NTNG1: variants seen among roughly 807,000 people sequenced by gnomAD.
The protein encoded by NTNG1 is netrin-G1.
NTNG1 carries 16 observed loss-of-function variants against 54.0 expected under a neutral mutation model. The ratio of observed to expected loss-of-function variants is 0.30; its 90% CI spans 0.20 to 0.45. The LOEUF is 0.45. Among genes scored for constraint, NTNG1 ranks in the 20% least tolerant of loss-of-function variants. NTNG1 has a pLI of 1.00. For missense variants in NTNG1, 530 were observed against 678.7 expected, an observed-to-expected ratio of 0.78 and a Z score of 2.43; for synonymous variants, 255 against 263.1, an observed-to-expected ratio of 0.97 and a Z score of 0.30.
chr1:107,443,010 G>A (rs17019069), intron 7 of NTNG1, among the ~76,000 whole-genome samples: 26,056 of 152,064 alleles, frequency 0.17, 2,281 homozygotes, highest in Middle Eastern at 0.24. Context: ...CTCTGGAGAA[G>A]TTCCAATAGA....
In NTNG1 at chr1:107,481,056, C is replaced by CT; in HGVS notation, c.*217dup. On this transcript the variant is annotated 3_prime_UTR_variant, in exon 8 of 8. Transcript: ENST00000370068. ...TTTCTGACTCCAGAGGAGTTGGCAG[C>CT]TGTTGATATTATCACTGCAAATCAC... The CT allele has an allele frequency of 9.6e-6, 5 of 519,484 alleles. No individual in the cohort carries two copies. The highest frequency in any genetic ancestry group is 1.7e-5 in the Non-Finnish European group (5 of 290,522). 32.2% of individuals were successfully genotyped at this position (519,484 alleles called of 1,614,324 possible).
At chr1:107,149,096 CTATAGCAT>C in intron 2 of NTNG1, among the ~76,000 whole-genome samples, 1 of 152,048 alleles carries the variant, frequency 6.6e-6, no homozygotes, top group Non-Finnish European at 1.5e-5. Context: ...GGCAGGTACA[CTATAGCAT>C]ATATTATAAA....
intron 5 of NTNG1, chr1:107,409,691 T>C (rs538720446): frequency 6.6e-6 from 1 of 152,284 alleles, no homozygotes; most frequent in Admixed American, 6.5e-5. Context: ...CTCCCTTCAA[T>C]ATGCCTCTGG....
chr1:107,332,767 A>G (rs115115138), intron 3 of NTNG1, among the ~76,000 whole-genome samples: 2 of 152,130 alleles, frequency 1.3e-5, no homozygotes, highest in African/African-American at 4.8e-5. Context: ...TTCTGTTGCA[A>G]TATGGGTCTA....
intron 5 of NTNG1, among the ~76,000 whole-genome samples, chr1:107,414,292 C>T (rs1379842582): frequency 6.6e-6 from 1 of 152,064 alleles, no homozygotes; most frequent in Non-Finnish European, 1.5e-5. Flanking sequence ...TTTTCTCATT[C>T]ATGAAAATTG....
chr1:107,207,499 T>G (rs1165083415), intron 2 of NTNG1, among the ~76,000 whole-genome samples: 1 of 152,208 alleles, frequency 6.6e-6, no homozygotes, highest in Non-Finnish European at 1.5e-5. Context: ...ATTTGCTTTT[T>G]TAAAGGTATC....
chr1:107,324,563 G>A lies in NTNG1; in HGVS notation c.528G>A (p.Gln176=). 1 of 1,613,748 alleles carries A rather than the reference G, an allele frequency of 6.2e-7. No homozygotes were observed. Among genetic ancestry groups the A allele is most frequent in the Non-Finnish European group, 8.5e-7 (1 of 1,179,866 alleles). The part of the protein sequence containing the change: ...LDYGRTWQPY[Q]YYATDCLDAF... ...ATGGACGAACATGGCAGCCCTATCAGTATTATGCCACAGACTGCTTAGATG... is the reference window on the plus strand; with the variant it reads ...ATGGACGAACATGGCAGCCCTATCAATATTATGCCACAGACTGCTTAGATG... The change falls in exon 3 of 8, where the codon CAG becomes CAA. Residue 176 remains glutamine, a synonymous_variant. Coordinates refer to ENST00000370068, the MANE Select transcript of NTNG1 (RefSeq NM_001113226.3).
At chr1:107,330,478 T>C (rs556932828) in intron 3 of NTNG1, among the ~76,000 whole-genome samples, 8 of 152,282 alleles carry the variant, frequency 5.3e-5, no homozygotes, top group African/African-American at 1.9e-4. Flanking sequence ...GGAGCCATCA[T>C]ATGGCAGTGG....
chr1:107,339,150 C>T (rs1668761776), intron 3 of NTNG1, among the ~76,000 whole-genome samples: 2 of 151,944 alleles, frequency 1.3e-5, no homozygotes, highest in Admixed American at 1.3e-4. Flanking sequence ...AGCACATAAC[C>T]CTTCCTGGTT....
At chr1:107,206,215 C>T (rs948680938) in intron 2 of NTNG1, among the ~76,000 whole-genome samples, 2 of 152,042 alleles carry the variant, frequency 1.3e-5, no homozygotes, top group African/African-American at 4.8e-5. Context: ...TGTCCCTGTC[C>T]TCCTTCACTC....
At chr1:107,461,563 G>A (rs148523506) in intron 7 of NTNG1, among the ~76,000 whole-genome samples, 7,479 of 149,518 alleles carry the variant, frequency 0.05, 218 homozygotes, top group Middle Eastern at 0.092. Flanking sequence ...CTTTTGAGAC[G>A]GAGTCTTGCT....
At chr1:107,480,569 T>TCCCCCCCCCCCCC in intron 7 of NTNG1, 42 bp from the exon 8 acceptor site, 4 of 609,590 alleles carry the variant, frequency 6.6e-6, no homozygotes, top group Non-Finnish European at 9.3e-6. Flanking sequence ...CTGCTTCTCC[T>TCCCCCCCCCCCCC]CCCCGCGCCC....
chr1:107,272,921 T>C (rs1236643058), intron 2 of NTNG1, among the ~76,000 whole-genome samples: 2 of 152,346 alleles, frequency 1.3e-5, no homozygotes, highest in Middle Eastern at 6.8e-3. Flanking sequence ...AAATTGTCCA[T>C]AATACAAACT....
At chr1:107,249,166 A>AATG (rs1270938443) in intron 2 of NTNG1, among the ~76,000 whole-genome samples, 25 of 149,524 alleles carry the variant, frequency 1.7e-4, no homozygotes, top group Admixed American at 4.0e-4. Flanking sequence ...TCTCAATAAT[A>AATG]ATAATAATAA....
At position 107,373,899 on chromosome 1, in the gene NTNG1, G is replaced by A. The variant is rs1022251829; in HGVS notation, c.888-21255G>A. ...TTATTTTTTGTAAAGACAGGGTCTT[G>A]CTTTTTTGCTCAGGCAGGTCTCAAA... On this transcript the variant is annotated intron_variant, in intron 3 of 7. Coordinates refer to ENST00000370068, the MANE Select transcript of NTNG1 (RefSeq NM_001113226.3). 9.2e-5 allele frequency among the ~76,000 whole-genome samples: 14 copies of A among 152,012 alleles called. 1 individual carries two copies. In the East Asian group the frequency reaches 1.9e-3, roughly 21 times the overall value.
chr1:107,157,095 AT>A (rs1655058818), intron 2 of NTNG1, among the ~76,000 whole-genome samples: 2 of 152,098 alleles, frequency 1.3e-5, no homozygotes, highest in Admixed American at 6.6e-5. Context: ...GGCCTCTGAT[AT>A]TTTTTCTTCC....
chr1:107,455,557 C>A, intron 7 of NTNG1: 3 of 463,208 alleles, frequency 6.5e-6, no homozygotes, highest in Non-Finnish European at 4.4e-6. Flanking sequence ...ATGCCTGACT[C>A]GCTCTGAGAG....
chr1:107,241,500 G>A (rs1661826123), intron 2 of NTNG1, among the ~76,000 whole-genome samples: 1 of 152,102 alleles, frequency 6.6e-6, no homozygotes, highest in African/African-American at 2.4e-5. Context: ...TAGTAAAGAG[G>A]CCAAGAACAA....
intron 3 of NTNG1, 90 bp from the exon 4 acceptor site, chr1:107,395,064 G>T (rs1672595307): frequency 1.0e-6 from 1 of 978,982 alleles, no homozygotes; most frequent in Non-Finnish European, 1.6e-6. Flanking sequence ...CTAAAGCACT[G>T]CATGGTTTGA....
Sources: gnomAD v4.1 joint callset for allele counts (sites outside exome capture counted in the v4.1 genomes callset) on GRCh38, gnomAD v4.1.1 for gene constraint, MANE v1.5 for transcripts, NCBI Gene and HGNC (gene_info 2026-07-23, HGNC 2026-07-21) for gene names.